CPXM2: variants seen among roughly 807,000 people sequenced by gnomAD.
CPXM2 encodes the protein carboxypeptidase X, M14 family member 2.
A neutral mutation model predicts 86.1 loss-of-function variants in CPXM2; 66 were observed. The observed-to-expected ratio is 0.77, with a 90% CI of 0.63 to 0.94. The LOEUF (loss-of-function observed/expected upper bound fraction) is 0.94. CPXM2 is among the 40% of genes least tolerant of loss of function. CPXM2 has a pLI of 0.00. For synonymous variants in CPXM2, 388 were observed against 400.2 expected, an observed-to-expected ratio of 0.97 and a Z score of 0.36; for missense variants, 948 against 1,026.3, an observed-to-expected ratio of 0.92 and a Z score of 1.04.
chr10:123,867,532 T>C (rs1199617678), intron 2 of CPXM2, among the ~76,000 whole-genome samples: 5 of 144,862 alleles, frequency 3.5e-5, no homozygotes, highest in African/African-American at 5.1e-5. Flanking sequence ...TCTTTCTTTT[T>C]TTTTTTTTTT....
intron 13 of CPXM2, chr10:123,751,023 G>C (rs1846062177): frequency 2.0e-6 from 2 of 985,316 alleles, no homozygotes. Context: ...ACCTTCTAGG[G>C]AGCTGCAGTG....
chr10:123,849,797 T>G (rs1052608431), intron 3 of CPXM2, among the ~76,000 whole-genome samples: 1 of 152,212 alleles, frequency 6.6e-6, no homozygotes, highest in African/African-American at 2.4e-5. Context: ...ATTAATTTTA[T>G]AATAGATACA....
At chr10:123,928,509 T>C (rs1945642137) in intron 2 of CPXM2, among the ~76,000 whole-genome samples, 1 of 152,218 alleles carries the variant, frequency 6.6e-6, no homozygotes, top group African/African-American at 2.4e-5. Context: ...CCCCTCCCCT[T>C]GATCCTATGT....
In CPXM2 at chr10:123,746,384, CA is replaced by C. The variant is rs1845971326; in HGVS notation, c.*379del. 4.4e-6 allele frequency: 1 copy of C among 228,240 alleles called. No individual in the cohort carries two copies. The highest frequency in any genetic ancestry group is 1.1e-4 in the East Asian group (1 of 8,930). 14.1% of individuals were successfully genotyped at this position (228,240 alleles called of 1,614,324 possible). A position where few individuals can be genotyped will look rare whatever the true frequency, so the allele number is the denominator to read the frequency against. The stretch of plus-strand genomic sequence containing the variant: ...GCTGCAATTTTAGCTGTGCAAATTG[CA>C]AATGCACGTGGAACCCTTGCTGCCA... On this transcript the variant is annotated 3_prime_UTR_variant, in exon 14 of 14. Coordinates refer to ENST00000241305, the MANE Select transcript of CPXM2 (RefSeq NM_198148.3).
At chr10:123,888,767 G>A (rs1945219607) in intron 1 of CPXM2, among the ~76,000 whole-genome samples, 1 of 152,208 alleles carries the variant, frequency 6.6e-6, no homozygotes, top group African/African-American at 2.4e-5. Flanking sequence ...TCTTGTCATG[G>A]TTGGGGAGAG....
intron 13 of CPXM2, among the ~76,000 whole-genome samples, chr10:123,747,921 C>CAAAAAAAA (rs59206856): frequency 7.9e-4 from 57 of 72,002 alleles, no homozygotes; most frequent in South Asian, 1.7e-3. Context: ...GACTCTGTCT[C>CAAAAAAAA]AAAAAAAAAA....
chr10:123,812,677 C>T (rs1847718644), intron 4 of CPXM2, among the ~76,000 whole-genome samples: 2 of 152,212 alleles, frequency 1.3e-5, no homozygotes, highest in Non-Finnish European at 2.9e-5. Context: ...ACTGTCAGAT[C>T]AGCGGTGGCA....
At chr10:123,848,137 T>C (rs1848535262) in intron 3 of CPXM2, among the ~76,000 whole-genome samples, 2 of 152,228 alleles carry the variant, frequency 1.3e-5, no homozygotes, top group African/African-American at 4.8e-5. Flanking sequence ...AGTTAATGCC[T>C]TTTCAGGGGG....
chr10:123,921,877 C>G (rs2134279276), intron 2 of CPXM2, among the ~76,000 whole-genome samples: 1 of 152,310 alleles, frequency 6.6e-6, no homozygotes, highest in East Asian at 1.9e-4. Context: ...ACAACTCTTT[C>G]AGGAGCTAAG....
chr10:123,815,392 T>A (rs758877600), intron 4 of CPXM2, among the ~76,000 whole-genome samples: 1 of 152,200 alleles, frequency 6.6e-6, no homozygotes, highest in Admixed American at 6.5e-5. Context: ...CCTCATCAGA[T>A]GTTTAGTGTT....
intron 2 of CPXM2, among the ~76,000 whole-genome samples, chr10:123,908,911 T>C (rs1267528456): frequency 6.6e-6 from 1 of 152,164 alleles, no homozygotes; most frequent in African/African-American, 2.4e-5. Flanking sequence ...ATTCACTCTA[T>C]GTAAATTTTG....
intron 9 of CPXM2, among the ~76,000 whole-genome samples, chr10:123,767,499 C>T (rs1420107037): frequency 1.3e-5 from 2 of 152,164 alleles, no homozygotes; most frequent in Non-Finnish European, 2.9e-5. Flanking sequence ...TCAATGGCCA[C>T]CACAGTAATG....
chr10:123,833,013 A>C (rs532596273), intron 4 of CPXM2, among the ~76,000 whole-genome samples: 1 of 152,284 alleles, frequency 6.6e-6, no homozygotes, highest in Admixed American at 6.5e-5. Context: ...CTGGGAAACA[A>C]AGAGGAGCCC....
intron 4 of CPXM2, among the ~76,000 whole-genome samples, chr10:123,824,032 G>GTCAT (rs1218863281): frequency 2.6e-5 from 4 of 152,052 alleles, no homozygotes; most frequent in African/African-American, 9.7e-5. Flanking sequence ...TCATTTTAGG[G>GTCAT]TCATTTTCTT....
At chr10:123,860,449 T>A (rs962058356) in intron 3 of CPXM2, among the ~76,000 whole-genome samples, 2 of 152,192 alleles carry the variant, frequency 1.3e-5, no homozygotes, top group Non-Finnish European at 2.9e-5. Flanking sequence ...ACTCTGCCGG[T>A]GGAATTCCCA....
upstream of CPXM2, among the ~76,000 whole-genome samples, chr10:123,893,066 G>A (rs1018975673): frequency 6.6e-6 from 1 of 152,230 alleles, no homozygotes; most frequent in Non-Finnish European, 1.5e-5. Flanking sequence ...TATCTTGAGT[G>A]GTGACCTTAA....
At chr10:123,919,633 A>C (rs751439179) in intron 2 of CPXM2, among the ~76,000 whole-genome samples, 9 of 152,252 alleles carry the variant, frequency 5.9e-5, no homozygotes, top group Non-Finnish European at 1.3e-4. Context: ...AAGTCCCTAG[A>C]GAGGCACAAT....
At chr10:123,802,672 G>A (rs1367550076) in intron 4 of CPXM2, among the ~76,000 whole-genome samples, 2 of 152,116 alleles carry the variant, frequency 1.3e-5, no homozygotes, top group Non-Finnish European at 2.9e-5. Context: ...AATTAGGAGT[G>A]GAATTGCTAG....
At chr10:123,817,509 C>T (rs1042793056) in intron 4 of CPXM2, among the ~76,000 whole-genome samples, 1 of 152,168 alleles carries the variant, frequency 6.6e-6, no homozygotes, top group African/African-American at 2.4e-5. Context: ...CACCATGCGA[C>T]CTCAACTGTC....
Sources: allele counts gnomAD v4.1 joint callset (sites outside exome capture counted in the v4.1 genomes callset), GRCh38; gene constraint gnomAD v4.1.1; transcripts MANE v1.5; gene names NCBI Gene and HGNC (gene_info 2026-07-23, HGNC 2026-07-21).